Variants in LRRC37B observed in about 807,000 individuals in gnomAD.
LRRC37B encodes leucine rich repeat containing 37B, also known as leucine-rich repeat-containing protein 37B.
In LRRC37B, 28 loss-of-function variants were observed where a neutral mutation model predicts 98.3. That is an observed-to-expected ratio of 0.28 (90% CI 0.21 to 0.39). The LOEUF (loss-of-function observed/expected upper bound fraction) is 0.39. LRRC37B is among the 10% of genes least tolerant of loss of function. The pLI, the probability that LRRC37B is intolerant of heterozygous loss-of-function variation, is 1.00. For missense variants in LRRC37B, 938 were observed against 1,182.7 expected, an observed-to-expected ratio of 0.79 and a Z score of 3.03; for synonymous variants, 364 against 442.7, an observed-to-expected ratio of 0.82 and a Z score of 2.23.
intron 7 of LRRC37B, chr17:32,040,737 G>A: frequency 2.5e-6 from 2 of 796,636 alleles, no homozygotes; most frequent in Non-Finnish European, 4.6e-6. Flanking sequence ...GAAGGAGCTG[G>A]GCAACGAGTC....
At position 32,022,056 on chromosome 17, in the gene LRRC37B, C is replaced by A. The variant is rs774203302; in HGVS notation, c.991C>A (p.Pro331Thr). 1.4e-4 allele frequency: 221 copies of A among 1,613,960 alleles called. No individual in the cohort carries two copies. The highest frequency in any genetic ancestry group is 1.8e-4 in the Non-Finnish European group (208 of 1,179,846). ...AGAACCTTCAACCCAGCAGGAGGCCCCAGCTCTGCCTCCAGAGTCCTCTAT... is the reference window on the plus strand; with the variant it reads ...AGAACCTTCAACCCAGCAGGAGGCCACAGCTCTGCCTCCAGAGTCCTCTAT... Residue 331 changes from proline (P) to threonine (T), a missense_variant, in exon 1 of 12, where the codon CCA (proline) becomes ACA (threonine). Pro to Thr is a conservative substitution (Grantham distance 38). This residue lies in a region of LRRC37B where 610 missense variants were observed against 625.6 expected (regional missense o/e 0.98). Coordinates refer to ENST00000327564, the Ensembl canonical transcript of LRRC37B.
chr17:32,017,617 C>A (rs7207926), upstream of LRRC37B, among the ~76,000 whole-genome samples: 774 of 152,188 alleles, frequency 5.1e-3, 4 homozygotes, highest in African/African-American at 0.018. Context: ...CCAGCCTGGG[C>A]AACAAAGCAG....
intron 7 of LRRC37B, chr17:32,041,147 C>A (rs1175302267): frequency 2.6e-6 from 2 of 770,130 alleles, no homozygotes; most frequent in Admixed American, 3.4e-5. Context: ...AGCTCAAGCG[C>A]AGGATGCGGG....
At chr17:32,041,921 T>C (rs1567618677) in intron 7 of LRRC37B, 1 of 433,954 alleles carries the variant, frequency 2.3e-6, no homozygotes, top group South Asian at 1.6e-5. Context: ...CAGCCTACCC[T>C]CGAGTTCCAC....
chr17:32,045,740 A>G, exon 8 of LRRC37B: 1 of 1,603,400 alleles, frequency 6.2e-7, no homozygotes, highest in South Asian at 1.1e-5. Flanking sequence ...CTGCCAATTT[A>G]AAAATAGCAT....
chr17:32,048,974 C>T lies in LRRC37B; in HGVS notation c.2465-128C>T, dbSNP rs965934318. On this transcript the variant is annotated intron_variant, in intron 9 of 11. Coordinates refer to ENST00000327564, the Ensembl canonical transcript of LRRC37B. ...ACAATCATCCTCCTGAGGCAGTTTC[C>T]GCTGGGACTGCATTCAACTTAGAAC... The T allele has an allele frequency of 1.2e-5, 18 of 1,525,552 alleles. No homozygotes were observed. In the Admixed American group the frequency reaches 1.2e-4, roughly 10 times the overall value. The allele number at this position is 1,525,552 out of a possible 1,614,324, so 94.5% of individuals were successfully genotyped here.
intron 7 of LRRC37B, among the ~76,000 whole-genome samples, chr17:32,045,189 T>A (rs969784167): frequency 1.3e-5 from 2 of 152,210 alleles, no homozygotes; most frequent in African/African-American, 4.8e-5. Flanking sequence ...TTGTTGTTAT[T>A]CTTTTGAATG....
Position 32,021,016 on chromosome 17 carries a change from A to G in LRRC37B, c.-50A>G, listed in dbSNP as rs1330658182. The G allele has an allele frequency of 1.9e-6, 3 of 1,571,416 alleles. No homozygotes were observed. The South Asian group carries it at 3.6e-5, about 19-fold the overall frequency. On this transcript the variant is annotated 5_prime_UTR_variant, in exon 1 of 12. Transcript: ENST00000327564. ...CCCTGGTAACATGGAACAGATCTGG[A>G]CCCAAGCCTAATAAAGGTGACATAA...
At chr17:32,043,730 C>A (rs1163559748) in intron 7 of LRRC37B, among the ~76,000 whole-genome samples, 2 of 152,148 alleles carry the variant, frequency 1.3e-5, no homozygotes, top group African/African-American at 4.8e-5. Flanking sequence ...ATGTATCAGG[C>A]CAACTTACTG....
upstream of LRRC37B, among the ~76,000 whole-genome samples, chr17:32,016,596 C>T (rs1406051742): frequency 1.3e-5 from 2 of 152,178 alleles, no homozygotes; most frequent in Admixed American, 6.5e-5. Flanking sequence ...CTTGCCTGCA[C>T]ATCAGAATTA....
rs769507424 is a variant in LRRC37B, at chr17:32,022,191, G to A, written c.1126G>A (p.Glu376Lys). ...GTTTACAGTCAAACCTGCAGATGTGGAGGTTACCATGACTTCAGAGCCTAA... is the reference window on the plus strand; with the variant it reads ...GTTTACAGTCAAACCTGCAGATGTGAAGGTTACCATGACTTCAGAGCCTAA... The change falls in exon 1 of 12, where the codon GAG becomes AAG. Residue 376 changes from glutamate to lysine, a missense_variant. Glu to Lys is a moderately conservative substitution (Grantham distance 56, BLOSUM62 1). Around this residue, in one of 2 missense-constraint regions of LRRC37B, gnomAD observed 610 missense variants for 625.6 expected, o/e 0.98. Coordinates refer to ENST00000327564, the Ensembl canonical transcript of LRRC37B. The A allele has an allele frequency of 1.9e-6, 3 of 1,613,744 alleles. No individual in the cohort carries two copies. In the South Asian group the frequency reaches 3.3e-5, roughly 18 times the overall value.
upstream of LRRC37B, among the ~76,000 whole-genome samples, chr17:32,016,443 A>C (rs189066387): frequency 1.1e-4 from 17 of 152,292 alleles, no homozygotes; most frequent in African/African-American, 4.1e-4. Flanking sequence ...GTCCGTGGTT[A>C]AGCTTTGGCT....
At chr17:32,043,239 G>T (rs1911493517) in intron 7 of LRRC37B, among the ~76,000 whole-genome samples, 2 of 152,178 alleles carry the variant, frequency 1.3e-5, no homozygotes, top group South Asian at 4.1e-4. Flanking sequence ...AGGAAAAAAA[G>T]AAAATGTTTA....
chr17:32,010,808 A>G (rs1354806723), intron 1 of LRRC37B, among the ~76,000 whole-genome samples: 1 of 152,128 alleles, frequency 6.6e-6, no homozygotes, highest in Non-Finnish European at 1.5e-5. Flanking sequence ...CCCAGCCCCC[A>G]GTAACCATCA....
intron 7 of LRRC37B, chr17:32,040,910 G>A (rs1400604890): frequency 1.5e-5 from 14 of 955,904 alleles, no homozygotes; most frequent in Non-Finnish European, 2.1e-5. Context: ...AGAAGCTGGA[G>A]GGCCGCCGCC....
chr17:32,022,932 G>C (rs1286986017), intron 1 of LRRC37B, 107 bp downstream of exon 4: 17 of 1,072,280 alleles, frequency 1.6e-5, no homozygotes, highest in South Asian at 2.8e-5. Context: ...ATACTGACAA[G>C]TGACTTTCTG....
In LRRC37B at chr17:32,041,915, C is replaced by T. The variant is rs547096458; in HGVS notation, c.2205-3785C>T. 724 of 439,624 alleles carry T rather than the reference C, an allele frequency of 1.6e-3. 6 individuals carry two copies. Among genetic ancestry groups the T allele is most frequent in the African/African-American group, 0.012 (584 of 49,724 alleles). 27.2% of individuals were successfully genotyped at this position (439,624 alleles called of 1,614,324 possible). A position where few individuals can be genotyped will look rare whatever the true frequency, so the allele number is the denominator to read the frequency against. On this transcript the variant is annotated intron_variant, in intron 7 of 11. Transcript: ENST00000327564. ...ACCCCATGGGGGCCCAGCCCACAGC[C>T]TACCCTCGAGTTCCACGGCCTTAAC...
upstream of LRRC37B, chr17:32,016,874 A>G (rs1401006113): frequency 6.6e-6 from 1 of 152,224 alleles, no homozygotes; most frequent in African/African-American, 2.4e-5. Context: ...GATAGTATCA[A>G]TCCCTTGTTG....
chr17:32,024,159 G>A (rs1910880251), intron 1 of LRRC37B, among the ~76,000 whole-genome samples: 1 of 151,634 alleles, frequency 6.6e-6, no homozygotes, highest in Non-Finnish European at 1.5e-5. Context: ...GTGCCCAAAA[G>A]GAAAAGCTTA....
Sources: allele counts gnomAD v4.1 joint callset (sites outside exome capture counted in the v4.1 genomes callset), GRCh38; gene constraint gnomAD v4.1.1; regional missense constraint gnomAD v4.1.1; transcripts MANE v1.5; gene names NCBI Gene and HGNC (gene_info 2026-07-23, HGNC 2026-07-21).